The following ABCB1 variants were observed in gnomAD, a reference collection of about 807,000 sequenced individuals.
The protein encoded by ABCB1 is ATP-dependent translocase ABCB1.
A neutral mutation model predicts 142.0 loss-of-function variants in ABCB1; 69 were observed. The ratio of observed to expected loss-of-function variants is 0.49; its 90% confidence interval spans 0.40 to 0.59. The LOEUF (loss-of-function observed/expected upper bound fraction) is 0.59, where lower values mean the gene tolerates loss of function less well. ABCB1 is among the 20% of genes least tolerant of loss of function. ABCB1 has a pLI of 0.00. For synonymous variants in ABCB1, 532 were observed against 539.2 expected, an observed-to-expected ratio of 0.99 and a Z score of 0.18; for missense variants, 1,326 against 1,554.7, an observed-to-expected ratio of 0.85 and a Z score of 2.47.
chr7:87,700,400 A>G lies in ABCB1; in HGVS notation c.-331+12761T>C, dbSNP rs970017501. ...TTTATTTTACTTTTTAAAATTTTAT[A>G]TCGCAATTTGTCTCCTGAAGGTCAA... On this transcript the variant is annotated intron_variant, in intron 1 of 28. Transcript: ENST00000265724. 10 of 1,561,276 alleles carry G rather than the reference A, an allele frequency of 6.4e-6. No individual in the cohort carries two copies. The Admixed American group carries it at 8.4e-5, about 13-fold the overall frequency.
At chr7:87,655,504 G>C (rs1585016145) in intron 1 of ABCB1, among the ~76,000 whole-genome samples, 1 of 152,058 alleles carries the variant, frequency 6.6e-6, no homozygotes, top group Non-Finnish European at 1.5e-5. Flanking sequence ...CCTTATACAT[G>C]GCATCTAAAA....
At chr7:87,639,469 T>C (rs993089120) in intron 1 of ABCB1, among the ~76,000 whole-genome samples, 1 of 152,180 alleles carries the variant, frequency 6.6e-6, no homozygotes, top group Admixed American at 6.5e-5. Flanking sequence ...GTATACTCTT[T>C]AGTATTGAGA....
At chr7:87,522,251 C>T (rs1815548174) in intron 21 of ABCB1, 4 of 990,076 alleles carry the variant, frequency 4.0e-6, no homozygotes, top group African/African-American at 3.1e-5. Context: ...TTGGCAATTA[C>T]AACAATTAGT....
At chr7:87,574,963 C>T (rs1202179) in intron 4 of ABCB1, among the ~76,000 whole-genome samples, 101,223 of 152,042 alleles carry the variant, frequency 0.67, 34,270 homozygotes, top group East Asian at 0.93. Context: ...AAAAAATTTA[C>T]GAGTGGTTTC....
chr7:87,613,257 C>CTTTT (rs67823385), intron 1 of ABCB1, among the ~76,000 whole-genome samples: 65 of 64,210 alleles, frequency 1.0e-3, no homozygotes, highest in East Asian at 1.4e-3. Context: ...TCCTTTATTT[C>CTTTT]TTTTTTTTTT....
chr7:87,693,174 A>G lies in ABCB1; in HGVS notation c.-331+19987T>C, dbSNP rs539675496. 4.6e-5 allele frequency among the ~76,000 whole-genome samples: 7 copies of G among 152,022 alleles called. No homozygotes were observed. In the South Asian group the frequency reaches 1.5e-3, roughly 32 times the overall value. On this transcript the variant is annotated intron_variant, in intron 1 of 28. Coordinates refer to the ABCB1 transcript ENST00000265724. ...GTTTTCCCATATTGTTATACTAGCA[A>G]TTTCTGAAAAATATAGCAGAAATTT... is the stretch of plus-strand genomic sequence containing the variant.
At position 87,584,951 on chromosome 7, in the gene ABCB1, A is replaced by ACC. The variant is rs141380026; in HGVS notation, c.286+559_286+560dup. On this transcript the variant is annotated intron_variant, in intron 4 of 27. Transcript: ENST00000622132. ...GCTATTATTTATCCTATCCTAAAAT[A>ACC]CCCCCCCACACACACACACACAATT... Among the ~76,000 whole-genome samples the ACC allele has an allele frequency of 2.7e-3, 398 of 149,008 alleles. 5 individuals carry two copies. The highest frequency in any genetic ancestry group is 0.016 in the South Asian group (73 of 4,678).
At chr7:87,527,271 A>G (rs959487391) in intron 21 of ABCB1, among the ~76,000 whole-genome samples, 1 of 152,192 alleles carries the variant, frequency 6.6e-6, no homozygotes, top group African/African-American at 2.4e-5. Context: ...ATTAGAGTCT[A>G]TAGGTATGCC....
chr7:87,700,650 TTTC>T, intron 1 of ABCB1: 1 of 1,178,492 alleles, frequency 8.5e-7, no homozygotes, highest in South Asian at 1.5e-5. Flanking sequence ...TGAATTTCCT[TTTC>T]TTAAGAAGCA....
chr7:87,609,630 G>A (rs1161908114), intron 1 of ABCB1, among the ~76,000 whole-genome samples: 1 of 152,118 alleles, frequency 6.6e-6, no homozygotes, highest in Non-Finnish European at 1.5e-5. Context: ...ATATTCTCTA[G>A]CTATTTTACT....
intron 1 of ABCB1, among the ~76,000 whole-genome samples, chr7:87,683,015 A>G (rs1279188567): frequency 6.6e-6 from 1 of 152,168 alleles, no homozygotes; most frequent in Non-Finnish European, 1.5e-5. Flanking sequence ...AGTTAGCACA[A>G]CTTCTCCATC....
intron 25 of ABCB1, among the ~76,000 whole-genome samples, chr7:87,510,245 A>T (rs1364205412): frequency 1.3e-5 from 2 of 152,252 alleles, no homozygotes; most frequent in Non-Finnish European, 2.9e-5. Context: ...AACAGTGCCC[A>T]GGATTAGCAT....
intron 20 of ABCB1, 52 bp from the exon 21 acceptor site, chr7:87,531,549 C>T (rs1379133546): frequency 2.6e-6 from 4 of 1,544,794 alleles, no homozygotes; most frequent in Non-Finnish European, 8.9e-7. Context: ...CTTCACAACT[C>T]ATGCTTCTAT....
chr7:87,539,034 G>A (rs1376471551), intron 19 of ABCB1, among the ~76,000 whole-genome samples: 7 of 152,204 alleles, frequency 4.6e-5, no homozygotes, highest in African/African-American at 9.7e-5. Context: ...GTGAATCCAC[G>A]CTGGAGGCTC....
intron 17 of ABCB1, 81 bp from the exon 18 acceptor site, chr7:87,541,545 A>T: frequency 1.0e-6 from 1 of 982,438 alleles, no homozygotes; most frequent in South Asian, 1.3e-5. Flanking sequence ...CATCTGGCCC[A>T]GTATTCAGGG....
chr7:87,600,425 G>A (rs554010228), intron 1 of ABCB1, among the ~76,000 whole-genome samples: 2 of 152,268 alleles, frequency 1.3e-5, no homozygotes, highest in African/African-American at 4.8e-5. Context: ...GACTTTGCCC[G>A]CCGCCAGTGC....
At chr7:87,531,956 G>T (rs951065930) in intron 20 of ABCB1, among the ~76,000 whole-genome samples, 1 of 152,088 alleles carries the variant, frequency 6.6e-6, no homozygotes, top group African/African-American at 2.4e-5. Context: ...AAAAAATACA[G>T]AGCTGAAAAT....
At chr7:87,693,964 C>T in intron 1 of ABCB1, 1 of 1,611,554 alleles carries the variant, frequency 6.2e-7, no homozygotes, top group Non-Finnish European at 8.5e-7. Context: ...TCAAGGTACT[C>T]TATGCTGGTG....
rs200985558 is a variant in ABCB1, at chr7:87,509,261, G to A, written c.3489+14C>T. On this transcript the variant is annotated intron_variant, in intron 26 of 27. Transcript: ENST00000622132. The stretch of plus-strand genomic sequence containing the variant: ...CCACATGCTCCCAGGCTGTTTATTT[G>A]AAGAGAGACTTACATTAGGCAGTGA... 4 of 1,613,638 alleles carry A rather than the reference G, an allele frequency of 2.5e-6. No individual in the cohort carries two copies. The highest frequency in any genetic ancestry group is 3.4e-6 in the Non-Finnish European group (4 of 1,179,740).
Sources: allele counts gnomAD v4.1 joint callset (sites outside exome capture counted in the v4.1 genomes callset), GRCh38; gene constraint gnomAD v4.1.1; transcripts MANE v1.5; gene names NCBI Gene and HGNC (gene_info 2026-07-23, HGNC 2026-07-21).